Variants in PTPRN2 observed in about 807,000 individuals in gnomAD.
PTPRN2 encodes receptor-type tyrosine-protein phosphatase N2.
In PTPRN2, 74 loss-of-function variants were observed where a neutral mutation model predicts 118.8. The observed-to-expected ratio is 0.62, with a 90% CI of 0.52 to 0.76. The LOEUF is 0.76. Ranked by LOEUF, PTPRN2 falls within the 30% of genes least tolerant of loss-of-function variation. PTPRN2 has a pLI of 0.00. For missense variants in PTPRN2, 1,481 were observed against 1,394.4 expected, an observed-to-expected ratio of 1.06 and a Z score of -0.99; for synonymous variants, 641 against 608.0, an observed-to-expected ratio of 1.05 and a Z score of -0.80.
intron 10 of PTPRN2, among the ~76,000 whole-genome samples, chr7:158,109,649 G>T (rs1423104182): frequency 6.7e-6 from 1 of 148,904 alleles, no homozygotes; most frequent in East Asian, 2.1e-4. Flanking sequence ...TCTGAATGAT[G>T]TCACCCCTGT....
intron 14 of PTPRN2, among the ~76,000 whole-genome samples, chr7:157,652,847 A>C (rs1351861470): frequency 6.6e-6 from 1 of 152,264 alleles, no homozygotes; most frequent in East Asian, 1.9e-4. Flanking sequence ...CCCTCTCTAG[A>C]TGGAGTGCTC....
chr7:158,299,232 G>C (rs952120338), intron 3 of PTPRN2, among the ~76,000 whole-genome samples: 2 of 152,140 alleles, frequency 1.3e-5, no homozygotes, highest in Admixed American at 6.5e-5. Context: ...GGGCTGCCCT[G>C]GGGAAACTGC....
chr7:158,407,233 T>TGCGTCCC (rs1813600610), intron 2 of PTPRN2, among the ~76,000 whole-genome samples: 1 of 28,416 alleles, frequency 3.5e-5, no homozygotes, highest in Admixed American at 4.1e-4. Context: ...TCCTGGGTCC[T>TGCGTCCC]GGGTCCTGGG....
intron 17 of PTPRN2, among the ~76,000 whole-genome samples, chr7:157,578,370 AT>A (rs1800169564): frequency 6.6e-6 from 1 of 152,226 alleles, no homozygotes; most frequent in Non-Finnish European, 1.5e-5. Context: ...ATCCCATGCC[AT>A]TTAGAGCTTC....
chr7:158,205,125 G>T, intron 4 of PTPRN2, 46 bp downstream of exon 4: 2 of 1,420,078 alleles, frequency 1.4e-6, no homozygotes, highest in Non-Finnish European at 2.0e-6. Flanking sequence ...AATGGCTATG[G>T]ACTGTGTCCT....
At chr7:158,449,091 G>C (rs1402992251) in intron 2 of PTPRN2, among the ~76,000 whole-genome samples, 1 of 152,198 alleles carries the variant, frequency 6.6e-6, no homozygotes, top group African/African-American at 2.4e-5. Flanking sequence ...GGTGTGTTTA[G>C]GGTCCAGGGA....
intron 1 of PTPRN2, among the ~76,000 whole-genome samples, chr7:158,521,092 G>T (rs140664613): frequency 6.6e-6 from 1 of 152,210 alleles, no homozygotes; most frequent in African/African-American, 2.4e-5. Flanking sequence ...TCCTGCAGAC[G>T]CAGTGACTTC....
In PTPRN2 at chr7:158,579,088, C is replaced by T. The variant is rs563623449; in HGVS notation, c.112+8470G>A. Among the ~76,000 whole-genome samples, 115 of 152,248 alleles carry T rather than the reference C, an allele frequency of 7.6e-4. 1 individual carries two copies. The Middle Eastern group carries it at 0.017, about 23-fold the overall frequency. ...AAGTCCCACTTCTTTTATTCAAGGG[C>T]TTTACAGTCATCAAAGGGATGATGT... On this transcript the variant is annotated intron_variant, in intron 1 of 22. Coordinates refer to ENST00000389418, the MANE Select transcript of PTPRN2 (RefSeq NM_002847.5).
At chr7:157,963,588 T>C (rs1340140308) in intron 11 of PTPRN2, among the ~76,000 whole-genome samples, 1 of 152,230 alleles carries the variant, frequency 6.6e-6, no homozygotes, top group Non-Finnish European at 1.5e-5. Context: ...GTTCCACACA[T>C]AAAGAATTTC....
intron 2 of PTPRN2, among the ~76,000 whole-genome samples, chr7:158,417,050 A>G (rs11983316): frequency 0.44 from 66,745 of 151,230 alleles, 15,810 homozygotes; most frequent in East Asian, 0.76. Flanking sequence ...GCTAAGTCAC[A>G]GTGCACTACA....
intron 12 of PTPRN2, among the ~76,000 whole-genome samples, chr7:157,700,749 G>T (rs1325088736): frequency 6.6e-6 from 1 of 152,126 alleles, no homozygotes; most frequent in African/African-American, 2.4e-5. Flanking sequence ...AGGACACACA[G>T]GGGCGCCTCC....
Position 158,250,603 on chromosome 7 carries a change from G to A in PTPRN2, c.278-45330C>T, listed in dbSNP as rs375442056. On this transcript the variant is annotated intron_variant, in intron 3 of 22. Transcript: ENST00000389418. ...CCCCCACATCCACACAGAAACAGAA[G>A]TGATAGAAAACAACGATTTTTATAA... Among the ~76,000 whole-genome samples, 8 of 152,002 alleles carry A rather than the reference G, an allele frequency of 5.3e-5. No individual in the cohort carries two copies. The East Asian group carries it at 5.8e-4, about 11-fold the overall frequency.
At chr7:158,146,954 A>C (rs868653612) in intron 6 of PTPRN2, among the ~76,000 whole-genome samples, 5,586 of 130,052 alleles carry the variant, frequency 0.043, 574 homozygotes, top group African/African-American at 0.17. Flanking sequence ...TTCCCCCTCA[A>C]TGACACCCCA....
At chr7:158,394,017 C>T (rs1812140184) in intron 2 of PTPRN2, among the ~76,000 whole-genome samples, 1 of 151,620 alleles carries the variant, frequency 6.6e-6, no homozygotes, top group Non-Finnish European at 1.5e-5. Context: ...CAATGTCCCA[C>T]CCCCATGGAC....
At chr7:158,510,910 C>T (rs1040019229) in intron 1 of PTPRN2, among the ~76,000 whole-genome samples, 1 of 152,204 alleles carries the variant, frequency 6.6e-6, no homozygotes, top group African/African-American at 2.4e-5. Context: ...GGAGGGCTGT[C>T]GTCGAGGAGG....
chr7:158,547,200 A>G (rs1260249782), intron 1 of PTPRN2, among the ~76,000 whole-genome samples: 1 of 152,120 alleles, frequency 6.6e-6, no homozygotes, highest in African/African-American at 2.4e-5. Context: ...TTACTATCTT[A>G]TCAGTTTTAA....
At chr7:158,133,043 T>G (rs748328959) in intron 9 of PTPRN2, among the ~76,000 whole-genome samples, 1 of 152,216 alleles carries the variant, frequency 6.6e-6, no homozygotes, top group African/African-American at 2.4e-5. Context: ...ACTTGTGCCT[T>G]GCTGGGCCCG....
intron 3 of PTPRN2, among the ~76,000 whole-genome samples, chr7:158,302,157 G>C (rs549829900): frequency 7.9e-5 from 12 of 152,282 alleles, no homozygotes; most frequent in African/African-American, 2.2e-4. Context: ...CATTCAGGGT[G>C]GTGGGTACTG....
intron 12 of PTPRN2, among the ~76,000 whole-genome samples, chr7:157,696,681 G>A (rs1488905442): frequency 3.9e-5 from 5 of 126,898 alleles, no homozygotes; most frequent in African/African-American, 5.9e-5. Context: ...ACTGGATCTT[G>A]GCAGAGCCCT....
Sources: allele counts gnomAD v4.1 joint callset (sites outside exome capture counted in the v4.1 genomes callset), GRCh38; gene constraint gnomAD v4.1.1; transcripts MANE v1.5; gene names NCBI Gene and HGNC (gene_info 2026-07-23, HGNC 2026-07-21).